The following CUL5 variants were observed in gnomAD, a reference collection of about 807,000 sequenced individuals.
The protein encoded by CUL5 is cullin 5.
CUL5 carries 26 observed loss-of-function variants against 108.8 expected under a neutral mutation model. The observed-to-expected ratio is 0.24, with a 90% CI of 0.18 to 0.33. The LOEUF (loss-of-function observed/expected upper bound fraction) is 0.33. Among genes scored for constraint, CUL5 ranks in the 10% least tolerant of loss-of-function variants. CUL5 has a pLI of 1.00. For missense variants in CUL5, 524 were observed against 909.2 expected, an observed-to-expected ratio of 0.58 and a Z score of 5.45; for synonymous variants, 334 against 298.0, an observed-to-expected ratio of 1.12 and a Z score of -1.25.
At chr11:108,018,505 A>G (rs1304327514) in intron 1 of CUL5, among the ~76,000 whole-genome samples, 1 of 131,016 alleles carries the variant, frequency 7.6e-6, no homozygotes, top group Non-Finnish European at 1.5e-5. Flanking sequence ...CATCTCTACT[A>G]AAAAAAAAAA....
chr11:108,035,020 A>C (rs905065361), intron 2 of CUL5, among the ~76,000 whole-genome samples: 5 of 152,164 alleles, frequency 3.3e-5, no homozygotes, highest in African/African-American at 1.2e-4. Flanking sequence ...GCATTTAATA[A>C]CCAGACTGAC....
intron 7 of CUL5, among the ~76,000 whole-genome samples, chr11:108,055,203 TA>T (rs1248945457): frequency 6.6e-6 from 1 of 152,190 alleles, no homozygotes; most frequent in Non-Finnish European, 1.5e-5. Flanking sequence ...TTAATATAAT[TA>T]ATTTTTGGTA....
intron 1 of CUL5, among the ~76,000 whole-genome samples, chr11:108,031,978 A>G (rs1305604578): frequency 6.6e-6 from 1 of 152,230 alleles, no homozygotes; most frequent in Non-Finnish European, 1.5e-5. Context: ...ATGAGAACAC[A>G]TGAACACATA....
chr11:108,098,526 C>T lies in CUL5; in HGVS notation c.2145C>T (p.Thr715=). 4 of 1,543,258 alleles carry T rather than the reference C, an allele frequency of 2.6e-6. No homozygotes were observed. The highest frequency in any genetic ancestry group is 3.5e-6 in the Non-Finnish European group (4 of 1,148,638). ...TAGTTCAACTACGAATACTAAGAAC[C>T]CAGGTTTGTAATGTTGACAGAATGT... The part of the protein sequence containing the change: ...EGIVQLRILR[T]QEAIIQIMKM... The change falls in exon 18 of 19, where the codon ACC becomes ACT. Residue 715 remains threonine (T), a synonymous_variant. Coordinates refer to ENST00000393094, the MANE Select transcript of CUL5 (RefSeq NM_003478.6).
chr11:108,046,223 G>A (rs774524518), intron 2 of CUL5, 47 bp from the exon 3 acceptor site: 1 of 1,316,532 alleles, frequency 7.6e-7, no homozygotes, highest in South Asian at 1.2e-5. Flanking sequence ...GTTTTGTTCA[G>A]TTCTTGTTTC....
At chr11:108,045,968 A>G (rs1160617050) in intron 2 of CUL5, among the ~76,000 whole-genome samples, 2 of 152,254 alleles carry the variant, frequency 1.3e-5, no homozygotes, top group Non-Finnish European at 2.9e-5. Flanking sequence ...TGCACAGGAA[A>G]ATATTAATAG....
chr11:108,027,936 T>C (rs1392476592), intron 1 of CUL5, among the ~76,000 whole-genome samples: 1 of 152,226 alleles, frequency 6.6e-6, no homozygotes, highest in African/African-American at 2.4e-5. Flanking sequence ...TTGCCACCTG[T>C]GCTCTGGTTG....
intron 2 of CUL5, among the ~76,000 whole-genome samples, chr11:108,042,535 A>G (rs571102821): frequency 2.0e-5 from 3 of 151,682 alleles, no homozygotes; most frequent in Admixed American, 6.6e-5. Flanking sequence ...AATTCTATAT[A>G]CTGTCGATTT....
intron 7 of CUL5, among the ~76,000 whole-genome samples, chr11:108,063,658 A>ACAT (rs1863604081): frequency 4.9e-5 from 1 of 20,546 alleles, no homozygotes; most frequent in Admixed American, 8.9e-4. Flanking sequence ...ATAAAATTTA[A>ACAT]AAAAAATAAA....
At chr11:108,100,430 C>T (rs1277074812) in intron 18 of CUL5, among the ~76,000 whole-genome samples, 1 of 152,070 alleles carries the variant, frequency 6.6e-6, no homozygotes, top group Non-Finnish European at 1.5e-5. Context: ...GTAATCCCAG[C>T]TACTTGGGGG....
chr11:108,057,482 G>T (rs898985684), intron 7 of CUL5, among the ~76,000 whole-genome samples: 3 of 152,178 alleles, frequency 2.0e-5, no homozygotes, highest in Non-Finnish European at 4.4e-5. Flanking sequence ...CATACCCCGT[G>T]ATATGATGCA....
At chr11:108,098,019 CTT>C (rs1864541736) in intron 17 of CUL5, among the ~76,000 whole-genome samples, 1 of 152,088 alleles carries the variant, frequency 6.6e-6, no homozygotes, top group African/African-American at 2.4e-5. Flanking sequence ...TCTAAAGCAA[CTT>C]TATTCAGAGA....
intron 7 of CUL5, among the ~76,000 whole-genome samples, chr11:108,069,163 A>G (rs1863762002): frequency 6.6e-6 from 1 of 152,166 alleles, no homozygotes; most frequent in South Asian, 2.1e-4. Flanking sequence ...AGGCTGAGGC[A>G]GGAGGATCAC....
chr11:108,038,282 C>T (rs908564798), intron 2 of CUL5, among the ~76,000 whole-genome samples: 1 of 152,144 alleles, frequency 6.6e-6, no homozygotes, highest in African/African-American at 2.4e-5. Flanking sequence ...TGCTTGTTCT[C>T]TGAGTACTCC....
rs1204541990 is a variant in CUL5 at position 108,008,937 on chromosome 11, A to C, written c.-412A>C. On this transcript the variant is annotated 5_prime_UTR_variant, in exon 1 of 19. Transcript: ENST00000393094. ...TCGCGTCACGTGACGTGGCCGCGGA[A>C]CCTGAGCTGCGGGGCCTAAGCCGAG... 1.2e-4 allele frequency: 21 copies of C among 170,906 alleles called. No homozygotes were observed. The highest frequency in any genetic ancestry group is 1.9e-4 in the Admixed American group (3 of 15,828). The allele number at this position is 170,906 out of a possible 1,614,324, so 10.6% of individuals were successfully genotyped here. A position where few individuals can be genotyped will look rare whatever the true frequency, so the allele number is the denominator to read the frequency against.
At chr11:108,102,594 T>C (rs2135254293) in intron 18 of CUL5, among the ~76,000 whole-genome samples, 1 of 151,166 alleles carries the variant, frequency 6.6e-6, no homozygotes, top group Admixed American at 6.6e-5. Flanking sequence ...ACCTCCCAAA[T>C]TGCTGGGATT....
intron 9 of CUL5, among the ~76,000 whole-genome samples, 160 bp from the exon 10 acceptor site, chr11:108,073,229 AG>A (rs1863867739): frequency 1.3e-5 from 2 of 151,812 alleles, no homozygotes; most frequent in Admixed American, 1.3e-4. Context: ...GAAAGAAAAA[AG>A]AAGTGGCAAA....
intron 3 of CUL5, among the ~76,000 whole-genome samples, chr11:108,047,428 GTTGT>G (rs1251323689): frequency 5.3e-5 from 8 of 152,306 alleles, no homozygotes; most frequent in Non-Finnish European, 1.0e-4. Context: ...ATTAGTAAAA[GTTGT>G]TTGTTAAATC....
intron 9 of CUL5, 136 bp from the exon 10 acceptor site, chr11:108,073,254 A>T (rs1054202145): frequency 1.8e-6 from 1 of 550,110 alleles, no homozygotes; most frequent in African/African-American, 2.0e-5. Context: ...GTAATATTGG[A>T]ACACCTTTTA....
Sources: allele counts gnomAD v4.1 joint callset (sites outside exome capture counted in the v4.1 genomes callset), GRCh38; gene constraint gnomAD v4.1.1; transcripts MANE v1.5; gene names NCBI Gene and HGNC (gene_info 2026-07-23, HGNC 2026-07-21).